The following PPP2R2C variants were observed in gnomAD, a reference collection of about 807,000 sequenced individuals.
PPP2R2C encodes the protein protein phosphatase 2, regulatory subunit B, gamma.
In PPP2R2C, 10 loss-of-function variants were observed where a neutral mutation model predicts 45.3. That is an observed-to-expected ratio of 0.22 (90% CI 0.14 to 0.37). PPP2R2C has a LOEUF of 0.37. PPP2R2C is among the 10% of genes least tolerant of loss of function. PPP2R2C has a pLI of 1.00. For synonymous variants in PPP2R2C, 257 were observed against 245.4 expected, an observed-to-expected ratio of 1.05 and a Z score of -0.44; for missense variants, 308 against 619.7, an observed-to-expected ratio of 0.50 and a Z score of 5.34.
At chr4:6,473,726 G>A (rs1001992759), upstream of PPP2R2C, among the ~76,000 whole-genome samples, 11 of 152,256 alleles carry the variant, frequency 7.2e-5, no homozygotes, top group African/African-American at 2.4e-4. Flanking sequence ...AGTGGAGGTA[G>A]GAGAGTCCAA....
intron 2 of PPP2R2C, among the ~76,000 whole-genome samples, chr4:6,514,938 C>G (rs894626187): frequency 6.6e-6 from 1 of 152,082 alleles, no homozygotes; most frequent in Non-Finnish European, 1.5e-5. Context: ...GTCTCTATCA[C>G]CATGTGGCCT....
In PPP2R2C at chr4:6,343,758, C is replaced by T. The variant is rs148542833; in HGVS notation, c.790+4088G>A. On this transcript the variant is annotated intron_variant, in intron 6 of 8. Transcript: ENST00000382599. Reference sequence around the variant, plus strand: ...CTCAAAAGGACACCAAATAGATTTGCACACAAGTTTTCCTAAGATTTCAAG... The same window carrying T: ...CTCAAAAGGACACCAAATAGATTTGTACACAAGTTTTCCTAAGATTTCAAG... 4.0e-3 allele frequency among the ~76,000 whole-genome samples: 603 copies of T among 152,214 alleles called. 5 individuals are homozygous for T. Among genetic ancestry groups the T allele is most frequent in the Admixed American group, 7.2e-3 (110 of 15,300 alleles).
chr4:6,359,487 A>G (rs1260402869), intron 5 of PPP2R2C, among the ~76,000 whole-genome samples: 1 of 152,216 alleles, frequency 6.6e-6, no homozygotes, highest in African/African-American at 2.4e-5. Flanking sequence ...TAGAACTTAA[A>G]TAACAAAAAA....
intron 1 of PPP2R2C, among the ~76,000 whole-genome samples, chr4:6,403,699 C>T (rs776082921): frequency 4.0e-4 from 61 of 152,188 alleles, no homozygotes; most frequent in African/African-American, 1.3e-3. Context: ...CCCGCCTCTA[C>T]TAAAAATACA....
intron 1 of PPP2R2C, among the ~76,000 whole-genome samples, chr4:6,438,847 T>C (rs974696144): frequency 1.3e-5 from 2 of 152,184 alleles, no homozygotes; most frequent in African/African-American, 2.4e-5. Flanking sequence ...GGGCCAACAT[T>C]TAAAGAAACC....
chr4:6,415,428 T>C (rs1718510582), intron 1 of PPP2R2C, among the ~76,000 whole-genome samples: 1 of 152,234 alleles, frequency 6.6e-6, no homozygotes, highest in Non-Finnish European at 1.5e-5. Flanking sequence ...CTCAAGCATG[T>C]CTGGGTCACG....
chr4:6,510,205 C>T lies in PPP2R2C; in HGVS notation c.49+25066G>A, dbSNP rs537435995. Among the ~76,000 whole-genome samples, 58 of 152,154 alleles carry T rather than the reference C, an allele frequency of 3.8e-4. 2 individuals carry two copies. The South Asian group carries it at 0.012, about 32-fold the overall frequency. Reference sequence around the variant, plus strand: ...ACATGGAGTAAGCCCAAACTCCAACCTGCATGGCCTGGCCCCCTTTCACCA... The same window carrying T: ...ACATGGAGTAAGCCCAAACTCCAACTTGCATGGCCTGGCCCCCTTTCACCA... On this transcript the variant is annotated intron_variant, in intron 2 of 9. Transcript: ENST00000506140.
intron 1 of PPP2R2C, among the ~76,000 whole-genome samples, chr4:6,552,381 C>T (rs889963910): frequency 3.3e-5 from 5 of 152,166 alleles, no homozygotes; most frequent in African/African-American, 9.7e-5. Flanking sequence ...GGGGAGGATC[C>T]GTTTCCTTGA....
intron 1 of PPP2R2C, among the ~76,000 whole-genome samples, chr4:6,411,907 GTTAC>G (rs1399116076): frequency 6.6e-6 from 1 of 152,180 alleles, no homozygotes; most frequent in Non-Finnish European, 1.5e-5. Context: ...ATATTCCTTG[GTTAC>G]TTAACATCCC....
intron 1 of PPP2R2C, among the ~76,000 whole-genome samples, chr4:6,417,795 G>A (rs888215777): frequency 6.6e-6 from 1 of 152,254 alleles, no homozygotes. Flanking sequence ...CTCAGAGGAC[G>A]GCCCTCGTCC....
At chr4:6,406,237 A>G (rs1055684271) in intron 1 of PPP2R2C, among the ~76,000 whole-genome samples, 9 of 152,196 alleles carry the variant, frequency 5.9e-5, no homozygotes, top group African/African-American at 2.2e-4. Flanking sequence ...AGGGATCTAA[A>G]CCTCAGCCAA....
chr4:6,561,290 C>T (rs1482019660), intron 1 of PPP2R2C, among the ~76,000 whole-genome samples: 2 of 152,216 alleles, frequency 1.3e-5, no homozygotes, highest in African/African-American at 4.8e-5. Flanking sequence ...CAAGCATCCC[C>T]ATGCCCAAAG....
intron 2 of PPP2R2C, among the ~76,000 whole-genome samples, chr4:6,525,993 T>G (rs1379312056): frequency 6.6e-6 from 1 of 152,186 alleles, no homozygotes; most frequent in Non-Finnish European, 1.5e-5. Flanking sequence ...GTGAGCCACG[T>G]TGCCCAGCCC....
chr4:6,493,827 CTT>C (rs775747613), intron 2 of PPP2R2C, among the ~76,000 whole-genome samples: 16 of 152,116 alleles, frequency 1.1e-4, no homozygotes, highest in Non-Finnish European at 1.9e-4. Context: ...TCTGTCGACT[CTT>C]TAGTCGGGAG....
chr4:6,357,152 T>G (rs370074546), intron 5 of PPP2R2C, among the ~76,000 whole-genome samples: 1 of 150,376 alleles, frequency 6.6e-6, no homozygotes, highest in Middle Eastern at 3.6e-3. Context: ...CGGGTCAGTC[T>G]CAGCCTCTCT....
rs35717717 is a variant in PPP2R2C, at chr4:6,539,138, C to CA, written c.-58-3762dup. ...TAATCCAATATGCCTGATGTCCTTC[C>CA]AAAAAAAAAAAAGAGAGAGAGGGCG... On this transcript the variant is annotated intron_variant, in intron 1 of 9. Transcript: ENST00000506140. Among the ~76,000 whole-genome samples, 332 of 130,754 alleles carry CA rather than the reference C, an allele frequency of 2.5e-3. 2 individuals are homozygous for CA. The East Asian group carries it at 0.045, about 18-fold the overall frequency. 85.8% of individuals were successfully genotyped at this position (130,754 alleles called of 152,430 possible).
At chr4:6,447,183 T>G (rs1450378603) in intron 1 of PPP2R2C, among the ~76,000 whole-genome samples, 1 of 151,852 alleles carries the variant, frequency 6.6e-6, no homozygotes, top group Non-Finnish European at 1.5e-5. Context: ...TTGAGCTGGG[T>G]AGAGAGGGTG....
At position 6,332,125 on chromosome 4, in the gene PPP2R2C, C is replaced by T. The variant is rs192414802; in HGVS notation, c.960+1437G>A. On this transcript the variant is annotated intron_variant, in intron 7 of 8. Transcript: ENST00000382599. The surrounding 1 kb of genome is among the most constrained non-coding windows in gnomAD (Gnocchi z 4.9). ...GAAAATGCTCATAGAACACATTCCACGTAGTTTCAGGGGTTCATGGGCCTT... is the reference window on the plus strand; with the variant it reads ...GAAAATGCTCATAGAACACATTCCATGTAGTTTCAGGGGTTCATGGGCCTT... Among the ~76,000 whole-genome samples, 36 of 152,268 alleles carry T rather than the reference C, an allele frequency of 2.4e-4. No individual in the cohort carries two copies. Among genetic ancestry groups the T allele is most frequent in the Admixed American group, 1.6e-3 (24 of 15,306 alleles).
chr4:6,481,759 A>C (rs764532023), intron 2 of PPP2R2C, among the ~76,000 whole-genome samples: 42 of 152,050 alleles, frequency 2.8e-4, no homozygotes, highest in Admixed American at 1.6e-3. Flanking sequence ...CATGTGGATC[A>C]CCTGAGGTCA....
Sources: gnomAD v4.1 joint callset for allele counts (sites outside exome capture counted in the v4.1 genomes callset) on GRCh38, gnomAD v4.1.1 for gene constraint, Gnocchi (gnomAD v3.1) non-coding constraint, MANE v1.5 for transcripts, NCBI Gene and HGNC (gene_info 2026-07-23, HGNC 2026-07-21) for gene names.